Variants in CACNA2D1 observed in about 807,000 individuals in gnomAD.
The protein encoded by CACNA2D1 is voltage-dependent calcium channel subunit alpha-2/delta-1.
Under a neutral mutation model 171.5 loss-of-function variants are expected in CACNA2D1, and 53 were observed. That is an observed-to-expected ratio of 0.31 (90% CI 0.25 to 0.39). The LOEUF is 0.39. CACNA2D1 is among the 10% of genes least tolerant of loss of function. The pLI is 1.00. For missense variants in CACNA2D1, 903 were observed against 1,299.8 expected (o/e 0.69, Z 4.69); for synonymous variants, 442 against 443.1 (o/e 1.00, Z 0.03).
chr7:82,123,041 A>G (rs1789926871), intron 5 of CACNA2D1, among the ~76,000 whole-genome samples: 1 of 152,186 alleles, frequency 6.6e-6, no homozygotes, highest in Non-Finnish European at 1.5e-5. Flanking sequence ...CATAAATGCC[A>G]CTAATCCAGG....
chr7:82,214,018 G>C lies in CACNA2D1; in HGVS notation c.295-43409C>G, dbSNP rs184995488. 5.9e-5 allele frequency among the ~76,000 whole-genome samples: 9 copies of C among 152,250 alleles called. No individual in the cohort carries two copies. The East Asian group carries it at 1.4e-3, about 23-fold the overall frequency. On this transcript the variant is annotated intron_variant, in intron 3 of 38. Transcript: ENST00000356860. ...TCTGGTTCATAGATGGTGACTTCCTGCTGTGTCCCCACATGGTTGAAGGGA... is the reference window on the plus strand; with the variant it reads ...TCTGGTTCATAGATGGTGACTTCCTCCTGTGTCCCCACATGGTTGAAGGGA...
chr7:82,351,465 G>C (rs1819837625), intron 1 of CACNA2D1, among the ~76,000 whole-genome samples: 1 of 151,942 alleles, frequency 6.6e-6, no homozygotes, highest in African/African-American at 2.4e-5. Context: ...ACAGAGGCTT[G>C]ACTTACATAT....
chr7:81,977,648 T>C (rs37081), intron 24 of CACNA2D1, among the ~76,000 whole-genome samples: 114,785 of 152,068 alleles, frequency 0.75, 43,380 homozygotes, highest in African/African-American at 0.78. Context: ...TAGAAGAAAA[T>C]CCAGGCAATA....
intron 3 of CACNA2D1, among the ~76,000 whole-genome samples, chr7:82,323,208 A>G (rs779547157): frequency 9.9e-5 from 15 of 152,112 alleles, no homozygotes; most frequent in South Asian, 4.2e-4. Context: ...CCAAAACACT[A>G]TTAACTAGCA....
intron 1 of CACNA2D1, among the ~76,000 whole-genome samples, chr7:82,365,993 GTGAA>G (rs1181421805): frequency 1.3e-5 from 2 of 152,154 alleles, no homozygotes; most frequent in Non-Finnish European, 2.9e-5. Flanking sequence ...CTCTTAGCCA[GTGAA>G]TGGAGAAACG....
intron 1 of CACNA2D1, among the ~76,000 whole-genome samples, chr7:82,398,988 G>A (rs529217788): frequency 9.9e-5 from 15 of 151,258 alleles, no homozygotes; most frequent in African/African-American, 3.2e-4. Flanking sequence ...ATTATAAGCT[G>A]AGGTGATTTT....
At chr7:82,122,909 C>T (rs915425793) in intron 5 of CACNA2D1, among the ~76,000 whole-genome samples, 1 of 152,246 alleles carries the variant, frequency 6.6e-6, no homozygotes, top group Middle Eastern at 3.4e-3. Flanking sequence ...TTAAAACAAC[C>T]TACCACCTTG....
chr7:82,041,068 C>A (rs1208301531), intron 10 of CACNA2D1, among the ~76,000 whole-genome samples: 1 of 151,686 alleles, frequency 6.6e-6, no homozygotes, highest in Non-Finnish European at 1.5e-5. Context: ...GTGGGGAGGG[C>A]AGAACGAATG....
intron 7 of CACNA2D1, among the ~76,000 whole-genome samples, chr7:82,073,142 C>T (rs1473285929): frequency 3.9e-5 from 6 of 152,028 alleles, no homozygotes; most frequent in Non-Finnish European, 8.8e-5. Flanking sequence ...CCTCAGAAAC[C>T]TCATGGAGAA....
intron 2 of CACNA2D1, among the ~76,000 whole-genome samples, chr7:82,337,402 T>C (rs2129444593): frequency 6.6e-6 from 1 of 152,266 alleles, no homozygotes; most frequent in African/African-American, 2.4e-5. Flanking sequence ...TCTCCTGATA[T>C]ATGTTTAGTA....
Position 82,084,905 on chromosome 7 carries a change from C to G in CACNA2D1, c.527-5G>C. On this transcript the variant is annotated splice_polypyrimidine_tract_variant and splice_region_variant and intron_variant, in intron 6 of 38. Coordinates refer to ENST00000356860, the MANE Select transcript of CACNA2D1 (RefSeq NM_000722.4). The stretch of plus-strand genomic sequence containing the variant: ...GTTCATTTAACACAATTGTTGCTAA[C>G]AAAAAAGAGAGAAACCATTAATTAA... 6.2e-7 allele frequency: 1 copy of G among 1,607,478 alleles called. No homozygotes were observed. Among genetic ancestry groups the G allele is most frequent in the Non-Finnish European group, 8.5e-7 (1 of 1,175,760 alleles).
intron 3 of CACNA2D1, among the ~76,000 whole-genome samples, chr7:82,301,088 C>A (rs1812940413): frequency 6.6e-6 from 1 of 152,100 alleles, no homozygotes; most frequent in African/African-American, 2.4e-5. Flanking sequence ...ATGTGAATGA[C>A]TAAAGAAAGG....
chr7:82,426,903 G>C (rs1160265925), intron 1 of CACNA2D1, among the ~76,000 whole-genome samples: 1 of 152,088 alleles, frequency 6.6e-6, no homozygotes, highest in Non-Finnish European at 1.5e-5. Context: ...AATTAGAGAG[G>C]GAGAGAGACC....
chr7:82,317,402 T>C (rs1815256575), intron 3 of CACNA2D1, among the ~76,000 whole-genome samples: 1 of 152,206 alleles, frequency 6.6e-6, no homozygotes, highest in South Asian at 2.1e-4. Flanking sequence ...ATGGCCTGCC[T>C]TGACAGAGAC....
chr7:82,084,173 A>G (rs1810154316), intron 7 of CACNA2D1, among the ~76,000 whole-genome samples: 1 of 152,152 alleles, frequency 6.6e-6, no homozygotes. Flanking sequence ...TACTCTTTTT[A>G]TAATACATAT....
intron 1 of CACNA2D1, among the ~76,000 whole-genome samples, chr7:82,427,992 G>A (rs936164009): frequency 1.3e-5 from 2 of 151,958 alleles, no homozygotes; most frequent in African/African-American, 2.4e-5. Flanking sequence ...AGTTTGAGAC[G>A]AGCCTGGCCA....
intron 3 of CACNA2D1, among the ~76,000 whole-genome samples, chr7:82,231,033 C>T (rs1415400855): frequency 6.6e-6 from 1 of 152,146 alleles, no homozygotes; most frequent in African/African-American, 2.4e-5. Flanking sequence ...GCCATGTCAG[C>T]AAATGTTCCT....
intron 3 of CACNA2D1, among the ~76,000 whole-genome samples, chr7:82,259,120 C>G (rs768011033): frequency 3.3e-5 from 5 of 152,052 alleles, no homozygotes; most frequent in Non-Finnish European, 5.9e-5. Context: ...AGCCACCACA[C>G]GTGGACAGAA....
intron 22 of CACNA2D1, among the ~76,000 whole-genome samples, chr7:81,983,732 T>A (rs892514324): frequency 6.6e-6 from 1 of 152,160 alleles, no homozygotes; most frequent in Admixed American, 6.5e-5. Context: ...CCATCATATC[T>A]ATCTATCAAG....
Sources: gnomAD v4.1 joint callset for allele counts (sites outside exome capture counted in the v4.1 genomes callset) on GRCh38, gnomAD v4.1.1 for gene constraint, MANE v1.5 for transcripts, NCBI Gene and HGNC (gene_info 2026-07-23, HGNC 2026-07-21) for gene names.